Variants in SLC18A2 observed in about 807,000 individuals in gnomAD.
The protein encoded by SLC18A2 is synaptic vesicular amine transporter.
A neutral mutation model predicts 59.2 loss-of-function variants in SLC18A2; 33 were observed. The observed-to-expected ratio is 0.56, with a 90% CI of 0.42 to 0.75. The LOEUF (loss-of-function observed/expected upper bound fraction) is 0.75. Ranked by LOEUF, SLC18A2 falls within the 30% of genes least tolerant of loss-of-function variation. The pLI is 0.00. For missense variants in SLC18A2, 569 were observed against 668.6 expected (o/e 0.85, Z 1.64); for synonymous variants, 228 against 253.5 (o/e 0.90, Z 0.95).
chr10:117,255,430 A>G (rs1191298523), intron 7 of SLC18A2, 49 bp from the exon 8 acceptor site: 1 of 1,614,020 alleles, frequency 6.2e-7, no homozygotes, highest in East Asian at 2.2e-5. Flanking sequence ...CGCTTGGGCC[A>G]CACCTGCTTT....
chr10:117,261,179 G>A (rs1197331311), intron 10 of SLC18A2, among the ~76,000 whole-genome samples: 3 of 137,980 alleles, frequency 2.2e-5, no homozygotes, highest in African/African-American at 5.3e-5. Context: ...CAAGACCAGC[G>A]AGATCCTGTC....
At chr10:117,248,393 C>G (rs1003557450) in intron 3 of SLC18A2, among the ~76,000 whole-genome samples, 2 of 152,146 alleles carry the variant, frequency 1.3e-5, no homozygotes, top group African/African-American at 4.8e-5. Context: ...TATTCAGATC[C>G]TGTATTTCTG....
intron 10 of SLC18A2, among the ~76,000 whole-genome samples, chr10:117,264,340 G>A (rs946483507): frequency 2.6e-5 from 4 of 152,214 alleles, no homozygotes; most frequent in African/African-American, 4.8e-5. Context: ...GGCTGGGTGC[G>A]TGGCTCATGC....
At position 117,254,456 on chromosome 10, in the gene SLC18A2, T is replaced by C; in HGVS notation, c.659T>C (p.Val220Ala). 2 of 1,610,452 alleles carry C rather than the reference T, an allele frequency of 1.2e-6. No individual in the cohort carries two copies. The highest frequency in any genetic ancestry group is 1.7e-6 in the Non-Finnish European group (2 of 1,177,970). Residue 220 changes from valine to alanine, a missense_variant, in exon 6 of 16, where the codon GTC becomes GCC. Around this residue, in one of 2 missense-constraint regions of SLC18A2, gnomAD observed 377 missense variants for 389.8 expected, o/e 0.97. Coordinates refer to ENST00000644641, the MANE Select transcript of SLC18A2 (RefSeq NM_003054.6). ...ACAGATGATGAAGAGAGAGGCAACG[T>C]CATGGGAATCGCCTTGGGAGGCCTG... ...VYTDDEERGN[V>A]MGIALGGLAM...
chr10:117,278,500 C>T lies in SLC18A2; in HGVS notation c.*1234C>T, dbSNP rs1396749562. ...TGCCTTTTCAGTGTAACAGCAAATACTGTTAGTGAACATTGTCAATTTATG... is the reference window on the plus strand; with the variant it reads ...TGCCTTTTCAGTGTAACAGCAAATATTGTTAGTGAACATTGTCAATTTATG... On this transcript the variant is annotated 3_prime_UTR_variant, in exon 16 of 16. Transcript: ENST00000644641. The T allele has an allele frequency of 1.3e-5, 2 of 152,186 alleles. No homozygotes were observed. The highest frequency in any genetic ancestry group is 4.8e-5 in the African/African-American group (2 of 41,462). 9.4% of individuals were successfully genotyped at this position (152,186 alleles called of 1,614,324 possible). A position where few individuals can be genotyped will look rare whatever the true frequency, so the allele number is the denominator to read the frequency against.
Position 117,269,924 on chromosome 10 carries a change from G to A in SLC18A2, c.1187-147G>A. Reference sequence around the variant, plus strand: ...GCTTCCTTCATTCTTTCTACTCAAAGATTAGTATCACCCCAAGACTTGCAG... The same window carrying A: ...GCTTCCTTCATTCTTTCTACTCAAAAATTAGTATCACCCCAAGACTTGCAG... On this transcript the variant is annotated intron_variant, in intron 13 of 15. Transcript: ENST00000644641. The surrounding 1 kb of genome is among the most constrained non-coding windows in gnomAD (Gnocchi z 5.1). 1 of 927,748 alleles carries A rather than the reference G, an allele frequency of 1.1e-6. No homozygotes were observed. The highest frequency in any genetic ancestry group is 2.8e-5 in the Admixed American group (1 of 35,658). 57.5% of individuals were successfully genotyped at this position (927,748 alleles called of 1,614,324 possible).
intron 15 of SLC18A2, among the ~76,000 whole-genome samples, chr10:117,276,630 A>AAAAAAAAAAAAG (rs1445853665): frequency 4.5e-5 from 1 of 22,308 alleles, no homozygotes; most frequent in African/African-American, 1.1e-4. Flanking sequence ...AAAAAAAAAA[A>AAAAAAAAAAAAG]AAAGAAAGAA....
intron 1 of SLC18A2, 81 bp from the exon 2 acceptor site, chr10:117,241,598 C>A (rs942608523): frequency 3.3e-5 from 46 of 1,396,680 alleles, no homozygotes; most frequent in Non-Finnish European, 4.0e-5. Context: ...GGCTCCCTGA[C>A]CCGCCCTTCC....
chr10:117,256,099 C>G (rs1844226798), intron 9 of SLC18A2, among the ~76,000 whole-genome samples: 1 of 152,202 alleles, frequency 6.6e-6, no homozygotes, highest in African/African-American at 2.4e-5. Context: ...AGCAGAGCCC[C>G]ACAGGGACCA....
At chr10:117,254,307 G>A in intron 5 of SLC18A2, 98 bp from the exon 6 acceptor site, 1 of 1,233,334 alleles carries the variant, frequency 8.1e-7, no homozygotes, top group Non-Finnish European at 1.1e-6. Context: ...ACAGGTTTGG[G>A]AAGATCACAA....
At chr10:117,270,245 G>C in intron 14 of SLC18A2, 55 bp downstream of exon 14, 1 of 1,613,026 alleles carries the variant, frequency 6.2e-7, no homozygotes, top group Non-Finnish European at 8.5e-7. Context: ...AATGGATAAC[G>C]TCTACTAAAA....
chr10:117,268,862 ATG>A (rs761989186), intron 13 of SLC18A2, among the ~76,000 whole-genome samples: 10 of 151,784 alleles, frequency 6.6e-5, no homozygotes, highest in Non-Finnish European at 1.2e-4. Context: ...GTATCCATGT[ATG>A]TGTGTGTTGT....
At position 117,244,155 on chromosome 10, in the gene SLC18A2, C is replaced by T; in HGVS notation, c.306C>T (p.Ala102=). 1 of 1,614,206 alleles carries T rather than the reference C, an allele frequency of 6.2e-7. No homozygotes were observed. The highest frequency in any genetic ancestry group is 8.5e-7 in the Non-Finnish European group (1 of 1,180,044). ...GAGACCTGACACTTCATCAGACCGC[C>T]ACACAGCACATGGTGACCAACGCGT... ...ATRDLTLHQT[A]TQHMVTNASA... is the part of the protein sequence containing the mutation. Residue 102 remains alanine (A), a synonymous_variant, in exon 3 of 16, where the codon GCC becomes GCT. Coordinates refer to ENST00000644641, the MANE Select transcript of SLC18A2 (RefSeq NM_003054.6).
At chr10:117,253,263 G>A (rs955228964) in intron 3 of SLC18A2, 136 bp from the exon 4 acceptor site, 4 of 681,528 alleles carry the variant, frequency 5.9e-6, no homozygotes, top group Non-Finnish European at 1.1e-5. Flanking sequence ...AGGAAGCACT[G>A]AGTATATGAA....
chr10:117,268,862 ATGTG>A (rs761989186), intron 13 of SLC18A2, among the ~76,000 whole-genome samples: 2 of 151,784 alleles, frequency 1.3e-5, no homozygotes, highest in Non-Finnish European at 2.9e-5. Flanking sequence ...GTATCCATGT[ATGTG>A]TGTGTTGTGT....
intron 2 of SLC18A2, among the ~76,000 whole-genome samples, chr10:117,243,374 C>T (rs1844075906): frequency 6.6e-6 from 1 of 152,202 alleles, no homozygotes; most frequent in African/African-American, 2.4e-5. Flanking sequence ...GACAGAATCT[C>T]TGGGACCAGT....
chr10:117,241,724 T>G lies in SLC18A2; in HGVS notation c.31T>G (p.Trp11Gly), dbSNP rs745855361. Residue 11 changes from tryptophan (W) to glycine (G), a missense_variant, in exon 2 of 16, where the codon TGG becomes GGG. Around this residue, in one of 2 missense-constraint regions of SLC18A2, gnomAD observed 377 missense variants for 389.8 expected, o/e 0.97. Coordinates refer to ENST00000644641, the MANE Select transcript of SLC18A2 (RefSeq NM_003054.6). MALSELALVRWLQESRRSRKL... is the reference protein window; with the variant it reads MALSELALVRGLQESRRSRKL... ...CCTGAGCGAGCTGGCGCTGGTCCGC[T>G]GGCTGCAGGAGAGCCGCCGCTCGCG... The G allele has an allele frequency of 4.4e-6, 7 of 1,605,894 alleles. No individual in the cohort carries two copies. Among genetic ancestry groups the G allele is most frequent in the African/African-American group, 1.3e-5 (1 of 74,448 alleles).
At position 117,266,829 on chromosome 10, in the gene SLC18A2, C is replaced by A. The variant is rs1234152311; in HGVS notation, c.1070+18C>A. 1.9e-6 allele frequency: 3 copies of A among 1,601,192 alleles called. No individual in the cohort carries two copies. The African/African-American group carries it at 4.0e-5, about 21-fold the overall frequency. ...ATGGGGAGGTAAGATGATATGAAAA[C>A]AACACTCATTCTGTTACAATAATGT... On this transcript the variant is annotated intron_variant, in intron 11 of 15. Transcript: ENST00000644641.
rs1844411461 is a variant in SLC18A2, at chr10:117,270,384, C to T, written c.1361C>T (p.Thr454Ile). ...GCAATTGGATTTCCATGGCTCATGA[C>T]AATTATTGGGATAATTGATATTCTT... ...AKAIGFPWLMTIIGIIDILFA... is the reference protein window; with the variant it reads ...AKAIGFPWLMIIIGIIDILFA... The change falls in exon 15 of 16, where the codon ACA becomes ATA. Residue 454 changes from threonine to isoleucine, a missense_variant. Physicochemically the swap from Thr to Ile is moderately conservative, Grantham distance 89. Around this residue, in one of 2 missense-constraint regions of SLC18A2, gnomAD observed 192 missense variants for 278.8 expected, o/e 0.69. Transcript: ENST00000644641. The T allele has an allele frequency of 6.2e-7, 1 of 1,614,170 alleles. No homozygotes were observed. Among genetic ancestry groups the T allele is most frequent in the Non-Finnish European group, 8.5e-7 (1 of 1,180,022 alleles).
Sources: allele counts gnomAD v4.1 joint callset (sites outside exome capture counted in the v4.1 genomes callset), GRCh38; gene constraint gnomAD v4.1.1; regional missense constraint gnomAD v4.1.1; non-coding constraint Gnocchi (gnomAD v3.1); transcripts MANE v1.5; gene names NCBI Gene and HGNC (gene_info 2026-07-23, HGNC 2026-07-21).